The following DNAH7 variants were observed in gnomAD, a reference collection of about 807,000 sequenced individuals.
The protein encoded by DNAH7 is dynein axonemal heavy chain 7, also known as axonemal beta dynein heavy chain 7.
Under a neutral mutation model 444.6 loss-of-function variants are expected in DNAH7, and 397 were observed. The ratio of observed to expected loss-of-function variants is 0.89; its 90% confidence interval spans 0.82 to 0.97. The LOEUF is 0.97. Ranked by LOEUF, DNAH7 falls within the 50% of genes least tolerant of loss-of-function variation. DNAH7 has a pLI of 0.00. For missense variants in DNAH7, 4,902 were observed against 4,800.8 expected (o/e 1.02, Z -0.62); for synonymous variants, 1,636 against 1,624.4 (o/e 1.01, Z -0.17).
At chr2:195,808,999 C>T in intron 52 of DNAH7, 123 bp from the exon 53 acceptor site, 1 of 776,880 alleles carries the variant, frequency 1.3e-6, no homozygotes, top group Middle Eastern at 2.4e-4. Flanking sequence ...CTATGAAATT[C>T]TATAGCTAGT....
chr2:195,766,167 A>ATTTTTTTTT (rs755912873), intron 61 of DNAH7, among the ~76,000 whole-genome samples: 1,266 of 57,304 alleles, frequency 0.022, 297 homozygotes, highest in Non-Finnish European at 0.037. Flanking sequence ...GTGGGAGCTA[A>ATTTTTTTTT]TTTTTTTTTT....
intron 12 of DNAH7, chr2:195,998,876 T>G: frequency 2.2e-6 from 1 of 464,582 alleles, no homozygotes; most frequent in Non-Finnish European, 3.8e-6. Flanking sequence ...TTATAACGTA[T>G]AGCTAAGGAA....
At chr2:195,958,320 T>C (rs890320864) in intron 18 of DNAH7, among the ~76,000 whole-genome samples, 1 of 152,226 alleles carries the variant, frequency 6.6e-6, no homozygotes, top group Non-Finnish European at 1.5e-5. Context: ...AATATATTTT[T>C]CTCATGATTT....
At chr2:196,003,445 C>A (rs1694171982) in intron 10 of DNAH7, among the ~76,000 whole-genome samples, 1 of 152,108 alleles carries the variant, frequency 6.6e-6, no homozygotes. Context: ...TTATATGACT[C>A]CCTATTATGA....
At chr2:195,822,816 T>C (rs1391361627) in intron 49 of DNAH7, among the ~76,000 whole-genome samples, 1 of 152,214 alleles carries the variant, frequency 6.6e-6, no homozygotes, top group Non-Finnish European at 1.5e-5. Context: ...TACTTAAACA[T>C]TTTTCTCTAA....
At chr2:195,802,694 A>G (rs1479729517) in intron 54 of DNAH7, among the ~76,000 whole-genome samples, 2 of 151,738 alleles carry the variant, frequency 1.3e-5, no homozygotes, top group Admixed American at 1.3e-4. Context: ...CAAAAAGGAA[A>G]AACAAAAAAA....
chr2:195,984,574 T>C (rs1400567286), intron 15 of DNAH7, 58 bp downstream of exon 15: 3 of 1,482,024 alleles, frequency 2.0e-6, no homozygotes, highest in Non-Finnish European at 2.8e-6. Flanking sequence ...TTACTCCGCA[T>C]TATTGTGTCA....
Position 195,742,692 on chromosome 2 carries a change from A to T in DNAH7, c.11765-1823T>A, listed in dbSNP as rs374006793. 3.9e-5 allele frequency among the ~76,000 whole-genome samples: 6 copies of T among 152,330 alleles called. No individual in the cohort carries two copies. In the East Asian group the frequency reaches 7.7e-4, roughly 20 times the overall value. On this transcript the variant is annotated intron_variant, in intron 63 of 64. Coordinates refer to ENST00000312428, the MANE Select transcript of DNAH7 (RefSeq NM_018897.3). The stretch of plus-strand genomic sequence containing the variant: ...CCTTTGCCATCTGTGAGATGTCATC[A>T]GCACATAGTGTCAGCTATGGTTTTT...
At chr2:196,041,541 A>G (rs1452779100) in intron 5 of DNAH7, among the ~76,000 whole-genome samples, 2 of 152,056 alleles carry the variant, frequency 1.3e-5, no homozygotes. Context: ...ATCTCTCACC[A>G]TCTACAAAAA....
chr2:195,853,761 G>C (rs1219825861), intron 45 of DNAH7, among the ~76,000 whole-genome samples: 4 of 151,884 alleles, frequency 2.6e-5, no homozygotes, highest in Admixed American at 1.3e-4. Context: ...ATAATACAAA[G>C]AACAGCTGTA....
At chr2:195,831,802 T>C (rs1277563115) in intron 48 of DNAH7, among the ~76,000 whole-genome samples, 2 of 152,078 alleles carry the variant, frequency 1.3e-5, no homozygotes, top group Admixed American at 1.3e-4. Context: ...AATTAGCATA[T>C]AGTATGGTGA....
chr2:195,984,605 C>T (rs1212113257), intron 15 of DNAH7, 27 bp downstream of exon 15: 5 of 1,594,218 alleles, frequency 3.1e-6, no homozygotes, highest in Middle Eastern at 1.7e-4. Flanking sequence ...GATACACACA[C>T]AATTATGGAG....
chr2:195,956,878 T>C (rs1690701596), intron 19 of DNAH7, among the ~76,000 whole-genome samples: 1 of 152,106 alleles, frequency 6.6e-6, no homozygotes, highest in African/African-American at 2.4e-5. Flanking sequence ...TGTTGAGAGG[T>C]TGGCATACTG....
Position 195,960,821 on chromosome 2 carries a change from C to T in DNAH7, c.2330G>A (p.Ser777Asn). Reference protein sequence around the residue: ...LRLYETAVEFSSNYRAWTEGP... With the variant: ...LRLYETAVEFNSNYRAWTEGP... ...TTCTGTCCATGCTCTATAGTTGCTG[C>T]TAAATTCGACAGCAGTTTCATAAAG... Residue 777 changes from serine (S) to asparagine (N), a missense_variant, in exon 18 of 65, where the codon AGC becomes AAC. Coordinates refer to ENST00000312428, the MANE Select transcript of DNAH7 (RefSeq NM_018897.3). The T allele has an allele frequency of 6.2e-7, 1 of 1,614,084 alleles. No individual in the cohort carries two copies. Among genetic ancestry groups the T allele is most frequent in the Non-Finnish European group, 8.5e-7 (1 of 1,180,024 alleles).
chr2:195,944,960 C>G (rs1466153716), intron 19 of DNAH7, among the ~76,000 whole-genome samples: 1 of 151,846 alleles, frequency 6.6e-6, no homozygotes, highest in African/African-American at 2.4e-5. Flanking sequence ...CCCTGTACAA[C>G]AGATTGTTCA....
intron 63 of DNAH7, among the ~76,000 whole-genome samples, chr2:195,752,546 T>G (rs1693851766): frequency 1.3e-5 from 2 of 152,086 alleles, no homozygotes; most frequent in Admixed American, 6.6e-5. Flanking sequence ...AGTTAATGTT[T>G]AAAGATAAAA....
chr2:195,995,357 C>A (rs11681259), intron 12 of DNAH7: 100,887 of 511,190 alleles, frequency 0.2, 11,857 homozygotes, highest in Non-Finnish European at 0.26. Context: ...GGCTCAGGAG[C>A]TGAATGAACT....
At chr2:195,778,617 TG>T (rs1695187400) in intron 58 of DNAH7, among the ~76,000 whole-genome samples, 1 of 26,916 alleles carries the variant, frequency 3.7e-5, no homozygotes, top group Non-Finnish European at 6.6e-5. Context: ...AGACCCTGTC[TG>T]AAAAAAAAAA....
At chr2:195,950,048 T>C (rs1447648551) in intron 19 of DNAH7, among the ~76,000 whole-genome samples, 2 of 152,208 alleles carry the variant, frequency 1.3e-5, no homozygotes, top group South Asian at 2.1e-4. Flanking sequence ...ATCAGGGATA[T>C]TGGCCTGAAA....
Sources: gnomAD v4.1 joint callset for allele counts (sites outside exome capture counted in the v4.1 genomes callset) on GRCh38, gnomAD v4.1.1 for gene constraint, MANE v1.5 for transcripts, NCBI Gene and HGNC (gene_info 2026-07-23, HGNC 2026-07-21) for gene names.